The following PAPSS1 variants were observed in gnomAD, a reference collection of about 807,000 sequenced individuals.
PAPSS1 encodes bifunctional 3'-phosphoadenosine 5'-phosphosulfate synthase 1.
PAPSS1 carries 50 observed loss-of-function variants against 72.0 expected under a neutral mutation model. The ratio of observed to expected loss-of-function variants is 0.69; its 90% CI spans 0.55 to 0.88. The LOEUF (loss-of-function observed/expected upper bound fraction) is 0.88, where lower values mean the gene tolerates loss of function less well. Ranked by LOEUF, PAPSS1 falls within the 40% of genes least tolerant of loss-of-function variation. PAPSS1 has a pLI of 0.00. For missense variants in PAPSS1, 657 were observed against 782.2 expected (o/e 0.84, Z 1.91); for synonymous variants, 261 against 263.6 (o/e 0.99, Z 0.09).
intron 11 of PAPSS1, among the ~76,000 whole-genome samples, chr4:107,621,608 C>CTTGTTTTTTTTTT (rs1725956182): frequency 2.1e-5 from 1 of 48,148 alleles, no homozygotes. Flanking sequence ...GGTTTTTTAT[C>CTTGTTTTTTTTTT]TTTTTTTTTT....
intron 11 of PAPSS1, among the ~76,000 whole-genome samples, chr4:107,619,126 GAC>G (rs1725895266): frequency 6.6e-6 from 1 of 152,158 alleles, no homozygotes; most frequent in African/African-American, 2.4e-5. Context: ...TGAAAAAGAA[GAC>G]AGCAGCTTGC....
intron 11 of PAPSS1, among the ~76,000 whole-genome samples, chr4:107,616,957 G>A (rs1477408168): frequency 1.3e-5 from 2 of 152,034 alleles, no homozygotes; most frequent in Admixed American, 1.3e-4. Flanking sequence ...CTTCAGATCT[G>A]TCTTCTCTCT....
intron 5 of PAPSS1, among the ~76,000 whole-genome samples, chr4:107,669,157 T>G (rs1037290060): frequency 3.9e-5 from 6 of 152,210 alleles, no homozygotes; most frequent in Non-Finnish European, 7.3e-5. Context: ...TACCCCTGGA[T>G]AGAGGGAGTT....
intron 11 of PAPSS1, among the ~76,000 whole-genome samples, chr4:107,622,128 A>G (rs1174127561): frequency 1.3e-5 from 2 of 152,212 alleles, no homozygotes; most frequent in African/African-American, 2.4e-5. Flanking sequence ...AAACCCCATC[A>G]GGGCTTTAGA....
At chr4:107,680,602 T>C (rs137995569) in intron 5 of PAPSS1, among the ~76,000 whole-genome samples, 70 of 152,314 alleles carry the variant, frequency 4.6e-4, no homozygotes, top group African/African-American at 1.6e-3. Flanking sequence ...TCACTTATAA[T>C]GTAAATCCCT....
intron 11 of PAPSS1, among the ~76,000 whole-genome samples, chr4:107,630,500 G>C (rs1440048579): frequency 6.6e-6 from 1 of 152,160 alleles, no homozygotes; most frequent in East Asian, 1.9e-4. Context: ...TGTAAATCGT[G>C]CTTTGCTTCT....
chr4:107,634,797 A>ATTTTT (rs3083966), intron 10 of PAPSS1, among the ~76,000 whole-genome samples: 1,696 of 115,932 alleles, frequency 0.015, 114 homozygotes, highest in African/African-American at 0.042. Flanking sequence ...TATTCTAGAC[A>ATTTTT]TTTTTTTTTT....
chr4:107,687,298 T>C, intron 3 of PAPSS1, 121 bp from the exon 4 acceptor site: 2 of 695,630 alleles, frequency 2.9e-6, no homozygotes, highest in Admixed American at 8.1e-5. Context: ...ATTTATGTTT[T>C]TAAATATAAA....
At chr4:107,712,992 G>A (rs1264505289) in intron 1 of PAPSS1, among the ~76,000 whole-genome samples, 1 of 151,070 alleles carries the variant, frequency 6.6e-6, no homozygotes, top group African/African-American at 2.4e-5. Context: ...CTGTTGCCCA[G>A]GCTGGAGTGC....
At chr4:107,719,188 T>TTTTTTG (rs1723711114) in intron 1 of PAPSS1, among the ~76,000 whole-genome samples, 1 of 13,336 alleles carries the variant, frequency 7.5e-5, no homozygotes, top group African/African-American at 8.3e-5. Context: ...AAATTGCTTG[T>TTTTTTG]TTTTTTTTTC....
intron 10 of PAPSS1, among the ~76,000 whole-genome samples, chr4:107,632,495 T>C (rs879160463): frequency 6.7e-6 from 1 of 149,852 alleles, no homozygotes; most frequent in Admixed American, 6.7e-5. Flanking sequence ...TCTTATAACA[T>C]ATGCCTAATA....
In PAPSS1 at chr4:107,657,099, A is replaced by ATTAATT. The variant is rs1177443294; in HGVS notation, c.784-93_784-92insAATTAA. 70 of 810,830 alleles carry ATTAATT rather than the reference A, an allele frequency of 8.6e-5. No homozygotes were observed. The African/African-American group carries it at 1.0e-3, about 12-fold the overall frequency. 50.2% of individuals were successfully genotyped at this position (810,830 alleles called of 1,614,324 possible). On this transcript the variant is annotated intron_variant, in intron 6 of 11. Transcript: ENST00000265174. Reference sequence around the variant, plus strand: ...CTTTAGGAATTTAATTTTGAAAGCAATGGAAACAAACAGTGTAAGGATGAG... The same window carrying ATTAATT: ...CTTTAGGAATTTAATTTTGAAAGCAATTAATTTGGAAACAAACAGTGTAAGGATGAG...
At chr4:107,694,258 T>C (rs1285646910) in intron 2 of PAPSS1, 1 of 420,426 alleles carries the variant, frequency 2.4e-6, no homozygotes, top group Non-Finnish European at 4.3e-6. Flanking sequence ...GAATTCTCAA[T>C]ATGTTGCGCC....
chr4:107,690,295 G>A (rs1722882879), intron 3 of PAPSS1, among the ~76,000 whole-genome samples: 1 of 152,076 alleles, frequency 6.6e-6, no homozygotes, highest in Non-Finnish European at 1.5e-5. Flanking sequence ...CTTCATATCA[G>A]TCACACCAAC....
intron 1 of PAPSS1, among the ~76,000 whole-genome samples, chr4:107,709,194 TA>T (rs934062016): frequency 7.9e-5 from 12 of 152,016 alleles, no homozygotes; most frequent in East Asian, 1.9e-4. Context: ...AAAATAAACT[TA>T]AAAAAAATTG....
intron 3 of PAPSS1, among the ~76,000 whole-genome samples, chr4:107,692,231 G>T (rs545641680): frequency 2.6e-5 from 4 of 152,172 alleles, no homozygotes; most frequent in African/African-American, 9.6e-5. Flanking sequence ...CACAGAAAAA[G>T]AAACTATCAT....
At chr4:107,664,015 C>A (rs1409223292) in intron 5 of PAPSS1, among the ~76,000 whole-genome samples, 3 of 152,090 alleles carry the variant, frequency 2.0e-5, no homozygotes, top group Non-Finnish European at 4.4e-5. Flanking sequence ...TTCAGTTGAG[C>A]CTAAATAGTT....
intron 7 of PAPSS1, among the ~76,000 whole-genome samples, chr4:107,655,402 G>A (rs1726976570): frequency 1.3e-5 from 2 of 152,086 alleles, no homozygotes; most frequent in African/African-American, 2.4e-5. Context: ...TAGGAAGACA[G>A]AACTATCCAA....
chr4:107,616,080 T>TAGAG (rs34351516), intron 11 of PAPSS1, among the ~76,000 whole-genome samples: 285 of 149,798 alleles, frequency 1.9e-3, no homozygotes, highest in South Asian at 3.2e-3. Context: ...TTTTAGAAAA[T>TAGAG]AGAGAGAGAG....
Sources: allele counts gnomAD v4.1 joint callset (sites outside exome capture counted in the v4.1 genomes callset), GRCh38; gene constraint gnomAD v4.1.1; transcripts MANE v1.5; gene names NCBI Gene and HGNC (gene_info 2026-07-23, HGNC 2026-07-21).